The following PDK1 variants were observed in gnomAD, a reference collection of about 807,000 sequenced individuals.
PDK1 encodes the protein pyruvate dehydrogenase kinase 1.
PDK1 carries 39 observed loss-of-function variants against 54.2 expected under a neutral mutation model. The observed-to-expected ratio is 0.72, with a 90% CI of 0.56 to 0.94. PDK1 has a LOEUF of 0.94. Ranked by LOEUF, PDK1 falls within the 40% of genes least tolerant of loss-of-function variation. PDK1 has a pLI of 0.00. For synonymous variants in PDK1, 221 were observed against 207.1 expected (o/e 1.07, Z -0.58); for missense variants, 552 against 566.0 (o/e 0.98, Z 0.25).
the PDK1 span, among the ~76,000 whole-genome samples, chr2:172,633,181 T>C: frequency 6.7e-6 from 1 of 149,700 alleles, no homozygotes; most frequent in African/African-American, 2.4e-5. Context: ...TAGCTGGGAC[T>C]ATAGGCATGC....
chr2:172,558,580 C>T (rs1440678987), intron 1 of PDK1, 128 bp from the exon 2 acceptor site: 3 of 773,366 alleles, frequency 3.9e-6, no homozygotes, highest in South Asian at 3.9e-5. Flanking sequence ...CTCCTATTCC[C>T]TGCCCCATCG....
the PDK1 span, among the ~76,000 whole-genome samples, chr2:172,701,827 A>AT: frequency 2.9e-4 from 44 of 152,102 alleles, 1 homozygote; most frequent in African/African-American, 1.1e-3. Flanking sequence ...AATGCTTATT[A>AT]TTTTAAGAGA....
At chr2:172,723,990 A>G in the PDK1 span, 1 of 152,222 alleles carries the variant, frequency 6.6e-6, no homozygotes, top group South Asian at 2.1e-4. Context: ...ACTTGATGGT[A>G]TATCCTAAGA....
the PDK1 span, among the ~76,000 whole-genome samples, chr2:172,663,644 C>A: frequency 6.6e-6 from 1 of 152,116 alleles, no homozygotes; most frequent in African/African-American, 2.4e-5. Context: ...TGAGGTGGAG[C>A]CTTGGAAGTT....
chr2:172,706,067 T>G, the PDK1 span, among the ~76,000 whole-genome samples: 1 of 152,204 alleles, frequency 6.6e-6, no homozygotes, highest in Non-Finnish European at 1.5e-5. Context: ...ATATTAAGGT[T>G]GACACAGTCA....
chr2:172,696,582 C>T, the PDK1 span, among the ~76,000 whole-genome samples: 7 of 152,200 alleles, frequency 4.6e-5, no homozygotes, highest in Middle Eastern at 3.4e-3. Context: ...TCATAATATG[C>T]GTTAGTATGA....
At position 172,607,032 on chromosome 2, in the gene PDK1, TTG is replaced by T. The variant is rs1196618492; in HGVS notation, c.*11067_*11068del. The T allele has an allele frequency of 6.6e-6, 1 of 152,188 alleles. No homozygotes were observed. The highest frequency in any genetic ancestry group is 1.5e-5 in the Non-Finnish European group (1 of 68,038). The allele number at this position is 152,188 out of a possible 1,614,324, so 9.4% of individuals were successfully genotyped here. A position where few individuals can be genotyped will look rare whatever the true frequency, so the allele number is the denominator to read the frequency against. ...AAAAGAGTAAGCCTTTAGAAACAGT[TTG>T]TGTCTAAATTAGCTCTCAGGCATAT... On this transcript the variant is annotated 3_prime_UTR_variant, in exon 11 of 11. Transcript: ENST00000282077.
chr2:172,590,701 C>T (rs1426209660), intron 9 of PDK1, among the ~76,000 whole-genome samples: 3 of 151,980 alleles, frequency 2.0e-5, no homozygotes, highest in Non-Finnish European at 2.9e-5. Context: ...GGGACCCGAG[C>T]GGGTTGCCAC....
chr2:172,640,909 C>T, the PDK1 span, among the ~76,000 whole-genome samples: 1 of 151,256 alleles, frequency 6.6e-6, no homozygotes, highest in African/African-American at 2.4e-5. Flanking sequence ...TCCCTCCCTC[C>T]TTCCTTCCCT....
Position 172,607,263 on chromosome 2 carries a change from C to T in PDK1, c.*11294C>T, listed in dbSNP as rs1691328221. 6.6e-6 allele frequency: 1 copy of T among 152,144 alleles called. No individual in the cohort carries two copies. The highest frequency in any genetic ancestry group is 6.5e-5 in the Admixed American group (1 of 15,276). The allele number at this position is 152,144 out of a possible 1,614,324, so 9.4% of individuals were successfully genotyped here. A position where few individuals can be genotyped will look rare whatever the true frequency, so the allele number is the denominator to read the frequency against. ...CTATGATTGTGCTGCTGCACTCCAG[C>T]CTGGGTGACAGAGCGAGGTTGCTTC... On this transcript the variant is annotated 3_prime_UTR_variant, in exon 11 of 11. Coordinates refer to ENST00000282077, the MANE Select transcript of PDK1 (RefSeq NM_002610.5).
At chr2:172,615,571 C>T in the PDK1 span, among the ~76,000 whole-genome samples, 1 of 151,662 alleles carries the variant, frequency 6.6e-6, no homozygotes, top group Admixed American at 6.6e-5. Context: ...TGCAGTGAGC[C>T]GAGATTGCAC....
chr2:172,575,412 G>A (rs897162422), intron 8 of PDK1, among the ~76,000 whole-genome samples: 1 of 152,138 alleles, frequency 6.6e-6, no homozygotes, highest in African/African-American at 2.4e-5. Flanking sequence ...TCAGTGTTTG[G>A]TAGAACACAG....
At chr2:172,583,087 T>G (rs775076219) in intron 8 of PDK1, among the ~76,000 whole-genome samples, 4 of 152,182 alleles carry the variant, frequency 2.6e-5, no homozygotes, top group Non-Finnish European at 5.9e-5. Context: ...TCCCTTCATG[T>G]ATTTATAGAA....
the PDK1 span, among the ~76,000 whole-genome samples, chr2:172,713,004 A>T: frequency 6.6e-6 from 1 of 152,186 alleles, no homozygotes; most frequent in African/African-American, 2.4e-5. Context: ...TGTAGCCATC[A>T]GCAGAGAGGA....
chr2:172,680,147 C>T, the PDK1 span, among the ~76,000 whole-genome samples: 2 of 152,168 alleles, frequency 1.3e-5, no homozygotes, highest in African/African-American at 2.4e-5. Flanking sequence ...GTGCTTCTTC[C>T]TTGCATGCTC....
rs1032176844 is a variant in PDK1, at chr2:172,564,978, C to G, written c.596C>G (p.Ser199Cys). The change falls in exon 5 of 11, where the codon TCT becomes TGT. Residue 199 changes from serine (S) to cysteine (C), a missense_variant and splice_region_variant. Physicochemically the swap from Ser to Cys is moderately radical, Grantham distance 112. Transcript: ENST00000282077. ...GTTGGTTTTTTTCCTTTTTGGATAG[C>G]TTTATTGTTTGGTGGAAAAGGCAAA... ...ISIRMLLNQHSLLFGGKGKGS... is the reference protein window; with the variant it reads ...ISIRMLLNQHCLLFGGKGKGS... 4.0e-5 allele frequency: 65 copies of G among 1,607,518 alleles called. No individual in the cohort carries two copies. The highest frequency in any genetic ancestry group is 5.4e-5 in the Non-Finnish European group (63 of 1,174,608).
Position 172,586,495 on chromosome 2 carries a change from G to A in PDK1, c.1056+107G>A, listed in dbSNP as rs142751350. 59 of 597,328 alleles carry A rather than the reference G, an allele frequency of 9.9e-5. 2 individuals are homozygous for A. The highest frequency in any genetic ancestry group is 9.8e-4 in the African/African-American group (52 of 53,016). The allele number at this position is 597,328 out of a possible 1,614,324, so 37.0% of individuals were successfully genotyped here. A position where few individuals can be genotyped will look rare whatever the true frequency, so the allele number is the denominator to read the frequency against. ...GTCATGTAGGGTACTCCACAAGGAA[G>A]AAAGAAGCTCTTAGAAATGCACACT... is the stretch of plus-strand genomic sequence containing the variant. On this transcript the variant is annotated intron_variant, in intron 9 of 10. Coordinates refer to ENST00000282077, the MANE Select transcript of PDK1 (RefSeq NM_002610.5).
chr2:172,633,670 CTTCAA>C, the PDK1 span, among the ~76,000 whole-genome samples: 3 of 150,338 alleles, frequency 2.0e-5, no homozygotes, highest in African/African-American at 4.9e-5. Flanking sequence ...TTTATATTTG[CTTCAA>C]TTCAATTCTC....
intron 8 of PDK1, among the ~76,000 whole-genome samples, chr2:172,583,281 GTTTTTTTT>G (rs1175087926): frequency 1.2e-3 from 93 of 77,076 alleles, no homozygotes; most frequent in African/African-American, 3.9e-3. Flanking sequence ...AAGTTTTCTG[GTTTTTTTT>G]TTTTTTTTTT....
Sources: gnomAD v4.1 joint callset for allele counts (sites outside exome capture counted in the v4.1 genomes callset) on GRCh38, gnomAD v4.1.1 for gene constraint, MANE v1.5 for transcripts, NCBI Gene and HGNC (gene_info 2026-07-23, HGNC 2026-07-21) for gene names.